GRID1: variants seen among roughly 807,000 people sequenced by gnomAD.
The protein encoded by GRID1 is glutamate receptor ionotropic, delta-1.
A neutral mutation model predicts 98.0 loss-of-function variants in GRID1; 28 were observed. The observed-to-expected ratio is 0.29, with a 90% CI of 0.21 to 0.39. The LOEUF (loss-of-function observed/expected upper bound fraction) is 0.39. GRID1 is among the 10% of genes least tolerant of loss of function. The pLI, the probability that GRID1 is intolerant of heterozygous loss-of-function variation, is 1.00. For missense variants in GRID1, 1,111 were observed against 1,340.5 expected, an observed-to-expected ratio of 0.83 and a Z score of 2.67; for synonymous variants, 553 against 538.5, an observed-to-expected ratio of 1.03 and a Z score of -0.37.
At chr10:86,247,259 A>G (rs372848726) in intron 2 of GRID1, among the ~76,000 whole-genome samples, 22 of 139,756 alleles carry the variant, frequency 1.6e-4, no homozygotes, top group Middle Eastern at 3.5e-3. Context: ...ATGGATGGAT[A>G]GATGGATGGA....
At chr10:86,084,150 C>A (rs1228945051) in intron 4 of GRID1, among the ~76,000 whole-genome samples, 1 of 152,104 alleles carries the variant, frequency 6.6e-6, no homozygotes, top group Admixed American at 6.5e-5. Context: ...AGTAGGTACA[C>A]ACACAAATGC....
At chr10:86,179,155 G>T (rs372132573) in intron 3 of GRID1, among the ~76,000 whole-genome samples, 2 of 151,716 alleles carry the variant, frequency 1.3e-5, no homozygotes, top group African/African-American at 4.8e-5. Flanking sequence ...CTAAGTTCCC[G>T]GGCCTCCACT....
chr10:85,659,874 T>C (rs1447662472), intron 12 of GRID1, among the ~76,000 whole-genome samples: 1 of 152,138 alleles, frequency 6.6e-6, no homozygotes, highest in African/African-American at 2.4e-5. Flanking sequence ...GATAAGGAAA[T>C]TATGAAGTTT....
intron 2 of GRID1, among the ~76,000 whole-genome samples, chr10:86,265,157 C>G (rs951489464): frequency 6.6e-6 from 1 of 152,232 alleles, no homozygotes; most frequent in Non-Finnish European, 1.5e-5. Flanking sequence ...CCCGGCCCCC[C>G]ATAGGCATGA....
intron 4 of GRID1, among the ~76,000 whole-genome samples, chr10:86,136,991 CA>C (rs796904650): frequency 9.5e-5 from 14 of 147,202 alleles, no homozygotes; most frequent in South Asian, 2.2e-4. Flanking sequence ...AATGGTCTGA[CA>C]AAAAAAAAAG....
intron 4 of GRID1, among the ~76,000 whole-genome samples, chr10:86,080,573 T>A (rs1843962933): frequency 6.6e-6 from 1 of 151,786 alleles, no homozygotes; most frequent in African/African-American, 2.4e-5. Context: ...CCAGGGTTTT[T>A]CACCACTAGG....
At chr10:86,337,508 G>A (rs950625058) in intron 2 of GRID1, among the ~76,000 whole-genome samples, 2 of 152,048 alleles carry the variant, frequency 1.3e-5, no homozygotes, top group Admixed American at 1.3e-4. Flanking sequence ...TCCTGAAATC[G>A]GGGAACTCCC....
At chr10:85,749,802 T>C (rs1410885380) in intron 8 of GRID1, among the ~76,000 whole-genome samples, 1 of 152,208 alleles carries the variant, frequency 6.6e-6, no homozygotes, top group Non-Finnish European at 1.5e-5. Context: ...CTACTCTTAA[T>C]AGACTTCTTG....
At chr10:85,863,463 T>G (rs1843185470) in intron 6 of GRID1, among the ~76,000 whole-genome samples, 1 of 152,220 alleles carries the variant, frequency 6.6e-6, no homozygotes, top group African/African-American at 2.4e-5. Flanking sequence ...GGATGTCTTG[T>G]GCAGAAGGGA....
At chr10:85,799,597 C>A (rs538908676) in intron 8 of GRID1, among the ~76,000 whole-genome samples, 1 of 151,976 alleles carries the variant, frequency 6.6e-6, no homozygotes, top group African/African-American at 2.4e-5. Flanking sequence ...GAGGACATTA[C>A]GTTAACCCAA....
At chr10:85,791,477 G>A (rs1253890881) in intron 8 of GRID1, among the ~76,000 whole-genome samples, 4 of 152,134 alleles carry the variant, frequency 2.6e-5, no homozygotes, top group African/African-American at 4.8e-5. Context: ...AGCCAAGGAC[G>A]GCCCCAGCAA....
intron 4 of GRID1, chr10:86,052,695 A>G (rs1047016845): frequency 2.0e-5 from 3 of 152,238 alleles, no homozygotes; most frequent in Non-Finnish European, 2.9e-5. Flanking sequence ...GAACAAACAT[A>G]GAGAAGAAGA....
chr10:85,992,787 A>AAAG (rs1842697512), intron 4 of GRID1, among the ~76,000 whole-genome samples: 1 of 151,666 alleles, frequency 6.6e-6, no homozygotes, highest in Non-Finnish European at 1.5e-5. Context: ...CTGTCTCTAA[A>AAAG]AATAATAATA....
chr10:85,741,295 G>A (rs1841940730), intron 8 of GRID1, among the ~76,000 whole-genome samples: 1 of 152,058 alleles, frequency 6.6e-6, no homozygotes, highest in African/African-American at 2.4e-5. Flanking sequence ...GTTGGATTTT[G>A]TCTTTTGCAT....
intron 4 of GRID1, among the ~76,000 whole-genome samples, chr10:86,000,641 TAAC>T (rs1268915018): frequency 1.3e-5 from 2 of 152,194 alleles, no homozygotes; most frequent in Non-Finnish European, 2.9e-5. Context: ...CAATTGGTTT[TAAC>T]AACAGTGCAA....
chr10:86,057,614 T>C (rs576072250), intron 4 of GRID1, among the ~76,000 whole-genome samples: 118 of 152,236 alleles, frequency 7.8e-4, no homozygotes, highest in African/African-American at 2.7e-3. Context: ...TCGACTAACA[T>C]CCCTCAGCAC....
At chr10:85,921,756 G>T (rs1841707578) in intron 4 of GRID1, among the ~76,000 whole-genome samples, 4 of 152,190 alleles carry the variant, frequency 2.6e-5, no homozygotes, top group Admixed American at 2.6e-4. Context: ...AGACAGTGAG[G>T]CTGAGCGCAT....
chr10:85,674,713 G>GGT (rs1554824145), intron 12 of GRID1, among the ~76,000 whole-genome samples: 5 of 145,306 alleles, frequency 3.4e-5, no homozygotes, highest in African/African-American at 1.3e-4. Flanking sequence ...AAAATTGCAG[G>GGT]TTTTTTTTTT....
intron 2 of GRID1, among the ~76,000 whole-genome samples, chr10:86,279,326 T>C (rs1009056005): frequency 3.9e-5 from 6 of 152,208 alleles, no homozygotes; most frequent in Admixed American, 2.6e-4. Flanking sequence ...TACTTTGTTA[T>C]AGCAGCCTTA....
Sources: allele counts gnomAD v4.1 joint callset (sites outside exome capture counted in the v4.1 genomes callset), GRCh38; gene constraint gnomAD v4.1.1; transcripts MANE v1.5; gene names NCBI Gene and HGNC (gene_info 2026-07-23, HGNC 2026-07-21).